The following CSMD1 variants were observed in gnomAD, a reference collection of about 807,000 sequenced individuals.
CSMD1 encodes CUB and Sushi multiple domains 1.
In CSMD1, 213 loss-of-function variants were observed where a neutral mutation model predicts 417.5. The ratio of observed to expected loss-of-function variants is 0.51; its 90% confidence interval spans 0.46 to 0.57. The LOEUF (loss-of-function observed/expected upper bound fraction) is 0.57, where lower values mean the gene tolerates loss of function less well. CSMD1 is among the 20% of genes least tolerant of loss of function. The pLI is 0.00. For synonymous variants in CSMD1, 2,862 were observed against 1,736.8 expected (o/e 1.65, Z -16.11); for missense variants, 6,923 against 4,529.7 (o/e 1.53, Z -15.17).
At chr8:3,416,909 A>C (rs1813191101) in intron 12 of CSMD1, among the ~76,000 whole-genome samples, 2 of 152,252 alleles carry the variant, frequency 1.3e-5, no homozygotes, top group South Asian at 4.1e-4. Context: ...CCGCTCAATG[A>C]ATAAAACTAA....
chr8:4,901,290 G>A (rs1804854932), intron 1 of CSMD1, among the ~76,000 whole-genome samples: 1 of 152,136 alleles, frequency 6.6e-6, no homozygotes, highest in Admixed American at 6.5e-5. Context: ...TTAAGTTTGT[G>A]ATAATTTTTT....
chr8:4,150,105 G>C lies in CSMD1; in HGVS notation c.416-118006C>G, dbSNP rs563010153. Among the ~76,000 whole-genome samples, 72 of 152,258 alleles carry C rather than the reference G, an allele frequency of 4.7e-4. 1 individual carries two copies. The highest frequency in any genetic ancestry group is 1.7e-3 in the African/African-American group (71 of 41,550). ...ATGAACTCGTTTGTTTTTTAAGGGA[G>C]TGTATTTTCCACATTGTGTATTTTA... On this transcript the variant is annotated intron_variant, in intron 3 of 69. Transcript: ENST00000635120.
chr8:4,493,193 T>C (rs541619469), intron 2 of CSMD1, among the ~76,000 whole-genome samples: 4 of 152,252 alleles, frequency 2.6e-5, no homozygotes, highest in East Asian at 1.9e-4. Flanking sequence ...ACAGTAAGCG[T>C]TATATACCTA....
chr8:3,364,951 G>C (rs1484394110), intron 20 of CSMD1, among the ~76,000 whole-genome samples: 1 of 152,210 alleles, frequency 6.6e-6, no homozygotes, highest in Non-Finnish European at 1.5e-5. Context: ...AAAATGAATA[G>C]AATTTGCACA....
At chr8:4,169,629 C>A (rs1797652323) in intron 3 of CSMD1, among the ~76,000 whole-genome samples, 2 of 152,048 alleles carry the variant, frequency 1.3e-5, no homozygotes, top group Non-Finnish European at 1.5e-5. Context: ...TGCATCAGTC[C>A]CTTGCTGCTG....
At chr8:3,836,639 C>A (rs973026018) in intron 5 of CSMD1, among the ~76,000 whole-genome samples, 1 of 152,092 alleles carries the variant, frequency 6.6e-6, no homozygotes, top group Non-Finnish European at 1.5e-5. Flanking sequence ...AATCAAATTA[C>A]ACATTCACAA....
intron 3 of CSMD1, among the ~76,000 whole-genome samples, chr8:4,348,593 G>C (rs972133691): frequency 6.9e-6 from 1 of 144,926 alleles, no homozygotes; most frequent in Non-Finnish European, 1.5e-5. Context: ...ATGCATGTGT[G>C]TGTGCGTGGG....
At chr8:4,247,529 A>C (rs928373333) in intron 3 of CSMD1, among the ~76,000 whole-genome samples, 1 of 152,146 alleles carries the variant, frequency 6.6e-6, no homozygotes, top group Non-Finnish European at 1.5e-5. Context: ...TTTTCTTATT[A>C]GTACCCGAAG....
intron 25 of CSMD1, among the ~76,000 whole-genome samples, chr8:3,291,963 T>C (rs1001042011): frequency 2.0e-5 from 3 of 152,042 alleles, no homozygotes; most frequent in Admixed American, 6.6e-5. Flanking sequence ...TGTGGGCATT[T>C]AGTGCTATAA....
At chr8:4,760,919 T>G (rs542969344) in intron 1 of CSMD1, among the ~76,000 whole-genome samples, 2 of 152,188 alleles carry the variant, frequency 1.3e-5, no homozygotes, top group East Asian at 1.9e-4. Context: ...GTAGCATATC[T>G]TTCTCAAGCT....
At chr8:4,150,616 C>G (rs763081996) in intron 3 of CSMD1, among the ~76,000 whole-genome samples, 8 of 152,198 alleles carry the variant, frequency 5.3e-5, no homozygotes, top group Non-Finnish European at 1.2e-4. Context: ...AAACAACAAG[C>G]ATTAACTGCA....
In CSMD1 at chr8:3,201,636, T is replaced by C. The variant is rs1383614864; in HGVS notation, c.5074A>G (p.Ser1692Gly). 6.2e-7 allele frequency: 1 copy of C among 1,603,226 alleles called. No homozygotes were observed. The highest frequency in any genetic ancestry group is 8.5e-7 in the Non-Finnish European group (1 of 1,174,246). ...CCTGAGTGAGACCCCGAGAGTGAGC[T>C]GAGAAGTCTGGCCTGTGCATGGGTT... ...DGTHAQARLL[S>G]SLSGSHSGET... Residue 1692 changes from serine (S) to glycine (G), a missense_variant, in exon 32 of 70, where the codon AGC (serine) becomes GGC (glycine). Coordinates refer to ENST00000635120, the MANE Select transcript of CSMD1 (RefSeq NM_033225.6).
chr8:2,955,074 C>A (rs528629672), intron 64 of CSMD1, among the ~76,000 whole-genome samples: 2 of 152,134 alleles, frequency 1.3e-5, no homozygotes, highest in Non-Finnish European at 2.9e-5. Context: ...ATTAATGGAT[C>A]GTTTCCATGT....
At chr8:4,360,757 G>C (rs1027300391) in intron 3 of CSMD1, among the ~76,000 whole-genome samples, 11 of 151,738 alleles carry the variant, frequency 7.2e-5, no homozygotes, top group South Asian at 4.2e-4. Flanking sequence ...GCCTCCAAAA[G>C]TGCTGGGACT....
At chr8:3,098,228 T>C (rs1414557733) in intron 46 of CSMD1, among the ~76,000 whole-genome samples, 2 of 152,216 alleles carry the variant, frequency 1.3e-5, no homozygotes, top group Non-Finnish European at 2.9e-5. Context: ...TTTTCCTTAA[T>C]GAAAAAGAGC....
In CSMD1 at chr8:4,576,188, G is replaced by C. The variant is rs148956987; in HGVS notation, c.302+61154C>G. ...GAGTTATGTGCACTAAGCTGTATCA[G>C]CTCTGTAGGCTACACTACTCCAGTC... is the stretch of plus-strand genomic sequence containing the variant. On this transcript the variant is annotated intron_variant, in intron 2 of 69. Transcript: ENST00000635120. Among the ~76,000 whole-genome samples the C allele has an allele frequency of 1.1e-3, 160 of 152,296 alleles. 1 individual carries two copies. Among genetic ancestry groups the C allele is most frequent in the African/African-American group, 3.5e-3 (146 of 41,560 alleles).
In CSMD1 at chr8:3,292,464, G is replaced by A. The variant is rs909529054; in HGVS notation, c.3951-8118C>T. Among the ~76,000 whole-genome samples, 2 of 152,154 alleles carry A rather than the reference G, an allele frequency of 1.3e-5. 1 individual carries two copies. The highest frequency in any genetic ancestry group is 1.3e-4 in the Admixed American group (2 of 15,274). On this transcript the variant is annotated intron_variant, in intron 25 of 69. Coordinates refer to ENST00000635120, the MANE Select transcript of CSMD1 (RefSeq NM_033225.6). The stretch of plus-strand genomic sequence containing the variant: ...CCATTATTATTGTGTGGGTGTCTGA[G>A]TCTCTTTGTAGGTGTCTAAGGACTT...
At chr8:4,666,239 G>T (rs1326895903) in intron 1 of CSMD1, among the ~76,000 whole-genome samples, 1 of 152,130 alleles carries the variant, frequency 6.6e-6, no homozygotes, top group East Asian at 1.9e-4. Flanking sequence ...TGGTGGAGGG[G>T]AATCAAGGTA....
chr8:4,892,946 T>C (rs1179171258), intron 1 of CSMD1, among the ~76,000 whole-genome samples: 1 of 152,156 alleles, frequency 6.6e-6, no homozygotes, highest in Admixed American at 6.5e-5. Flanking sequence ...ACATGGTGCA[T>C]TAATATGAGC....
Sources: gnomAD v4.1 joint callset for allele counts (sites outside exome capture counted in the v4.1 genomes callset) on GRCh38, gnomAD v4.1.1 for gene constraint, MANE v1.5 for transcripts, NCBI Gene and HGNC (gene_info 2026-07-23, HGNC 2026-07-21) for gene names.